SSBP2: variants seen among roughly 807,000 people sequenced by gnomAD.
SSBP2 encodes the protein single-stranded DNA-binding protein 2.
A neutral mutation model predicts 61.8 loss-of-function variants in SSBP2; 17 were observed. That is an observed-to-expected ratio of 0.28 (90% CI 0.19 to 0.41). The LOEUF is 0.41. Ranked by LOEUF, SSBP2 falls within the 10% of genes least tolerant of loss-of-function variation. The probability of loss-of-function intolerance (pLI) is 1.00; values close to 1 mark genes in which losing one functional copy is unlikely to be tolerated. For missense variants in SSBP2, 310 were observed against 458.7 expected, an observed-to-expected ratio of 0.68 and a Z score of 2.96; for synonymous variants, 139 against 141.3, an observed-to-expected ratio of 0.98 and a Z score of 0.12.
chr5:81,585,240 A>G (rs1774971054), intron 4 of SSBP2, among the ~76,000 whole-genome samples: 1 of 152,054 alleles, frequency 6.6e-6, no homozygotes, highest in Non-Finnish European at 1.5e-5. Context: ...TCTCTCTGGC[A>G]TATCCTTTGC....
intron 1 of SSBP2, among the ~76,000 whole-genome samples, chr5:81,736,143 AACACACACACACACAC>A (rs58588638): frequency 3.1e-4 from 23 of 75,338 alleles, no homozygotes; most frequent in Non-Finnish European, 7.5e-4. Flanking sequence ...ACTACCCTGA[AACACACACACACACAC>A]ACACACACAC....
intron 1 of SSBP2, among the ~76,000 whole-genome samples, chr5:81,684,435 T>A (rs1300172697): frequency 6.6e-6 from 1 of 152,018 alleles, no homozygotes; most frequent in African/African-American, 2.4e-5. Context: ...TTGCCAGGGG[T>A]TCAGAGAGAC....
At chr5:81,544,238 G>A (rs1191339229) in intron 4 of SSBP2, among the ~76,000 whole-genome samples, 1 of 152,026 alleles carries the variant, frequency 6.6e-6, no homozygotes, top group Non-Finnish European at 1.5e-5. Context: ...TAGTAGAGAC[G>A]GGGTTTCACC....
chr5:81,470,603 T>C (rs1344132315), intron 8 of SSBP2, among the ~76,000 whole-genome samples: 1 of 151,962 alleles, frequency 6.6e-6, no homozygotes, highest in Admixed American at 6.6e-5. Flanking sequence ...GTTGTTCTAA[T>C]AGATAACTAC....
intron 4 of SSBP2, among the ~76,000 whole-genome samples, chr5:81,588,856 G>C (rs1398370808): frequency 6.6e-6 from 1 of 152,186 alleles, no homozygotes; most frequent in Admixed American, 6.5e-5. Context: ...CTGAGCCCAA[G>C]AGTTGGAGAC....
chr5:81,520,344 C>G (rs1024756013), intron 4 of SSBP2, among the ~76,000 whole-genome samples: 2 of 152,030 alleles, frequency 1.3e-5, no homozygotes, highest in African/African-American at 4.8e-5. Flanking sequence ...CTGAATCTAC[C>G]CTTGGTTGCA....
chr5:81,527,640 G>T (rs1323062292), intron 4 of SSBP2, among the ~76,000 whole-genome samples: 1 of 151,800 alleles, frequency 6.6e-6, no homozygotes, highest in Non-Finnish European at 1.5e-5. Context: ...CCCCTAATTT[G>T]TTTAGTAGGT....
At chr5:81,628,425 T>C (rs1022570453) in intron 3 of SSBP2, among the ~76,000 whole-genome samples, 1 of 152,210 alleles carries the variant, frequency 6.6e-6, no homozygotes, top group African/African-American at 2.4e-5. Flanking sequence ...AGCCAAACTA[T>C]ATCAAGAGAT....
rs1581098252 is a variant in SSBP2 at position 81,587,137 on chromosome 5, T to C, written c.282+28336A>G. Among the ~76,000 whole-genome samples, 2 of 152,302 alleles carry C rather than the reference T, an allele frequency of 1.3e-5. 1 individual carries two copies. Among genetic ancestry groups the C allele is most frequent in the East Asian group, 3.9e-4 (2 of 5,184 alleles). On this transcript the variant is annotated intron_variant, in intron 4 of 16. Coordinates refer to ENST00000320672, the MANE Select transcript of SSBP2 (RefSeq NM_012446.5). Reference sequence around the variant, plus strand: ...TCACTATAATAAATCACAGTGTGTATAACTATCTTCTGAGTTCTGTGAGTC... The same window carrying C: ...TCACTATAATAAATCACAGTGTGTACAACTATCTTCTGAGTTCTGTGAGTC...
In SSBP2 at chr5:81,642,269, G is replaced by A. The variant is rs150909341; in HGVS notation, c.136-5651C>T. Among the ~76,000 whole-genome samples the A allele has an allele frequency of 1.2e-4, 18 of 152,196 alleles. No individual in the cohort carries two copies. The East Asian group carries it at 3.3e-3, about 28-fold the overall frequency. ...GCCAATAACATTTTCTCTTTATTCT[G>A]TTTCTTTTTCTTCCATTATCCCAGC... On this transcript the variant is annotated intron_variant, in intron 2 of 16. Transcript: ENST00000320672.
intron 1 of SSBP2, among the ~76,000 whole-genome samples, chr5:81,696,383 C>A (rs762787625): frequency 3.9e-5 from 6 of 152,150 alleles, no homozygotes; most frequent in Non-Finnish European, 7.3e-5. Flanking sequence ...TCTCTCTTGT[C>A]CTTGCCACTA....
chr5:81,720,911 C>T (rs1054313161), intron 1 of SSBP2, among the ~76,000 whole-genome samples: 8 of 152,124 alleles, frequency 5.3e-5, no homozygotes, highest in African/African-American at 1.7e-4. Context: ...AAAGTATACA[C>T]ACATATATAG....
At chr5:81,722,108 T>C (rs1214980687) in intron 1 of SSBP2, among the ~76,000 whole-genome samples, 1 of 152,112 alleles carries the variant, frequency 6.6e-6, no homozygotes, top group African/African-American at 2.4e-5. Flanking sequence ...ATATTATTCA[T>C]TTGAATTTTC....
rs145339602 is a variant in SSBP2, at chr5:81,748,701, G to A, written c.62+2280C>T. ...CTGCTGCCAATTGAAATGAATGGAAGAAATATATTTAAATCAAATAGCACC... is the reference window on the plus strand; with the variant it reads ...CTGCTGCCAATTGAAATGAATGGAAAAAATATATTTAAATCAAATAGCACC... On this transcript the variant is annotated intron_variant, in intron 1 of 16. Coordinates refer to ENST00000320672, the MANE Select transcript of SSBP2 (RefSeq NM_012446.5). Among the ~76,000 whole-genome samples, 7 of 152,290 alleles carry A rather than the reference G, an allele frequency of 4.6e-5. No homozygotes were observed. The East Asian group carries it at 1.3e-3, about 29-fold the overall frequency.
intron 4 of SSBP2, among the ~76,000 whole-genome samples, chr5:81,533,001 T>C (rs1770535534): frequency 6.6e-6 from 1 of 151,918 alleles, no homozygotes. Context: ...AGTGAGAATA[T>C]AAAATACTAG....
intron 1 of SSBP2, among the ~76,000 whole-genome samples, chr5:81,731,614 A>G (rs1363139854): frequency 1.3e-5 from 2 of 152,092 alleles, no homozygotes; most frequent in African/African-American, 4.8e-5. Context: ...ATTTTCTTCA[A>G]TTTCCAGGTT....
chr5:81,661,226 TGC>T (rs1750667581), intron 1 of SSBP2, among the ~76,000 whole-genome samples: 2 of 152,322 alleles, frequency 1.3e-5, no homozygotes, highest in Middle Eastern at 3.4e-3. Flanking sequence ...TATTCAATTT[TGC>T]ATATATAGTC....
At chr5:81,457,706 G>A (rs1764257718) in intron 10 of SSBP2, among the ~76,000 whole-genome samples, 1 of 151,562 alleles carries the variant, frequency 6.6e-6, no homozygotes, top group Non-Finnish European at 1.5e-5. Flanking sequence ...TTGTTGCCCA[G>A]GCTGGAGTGC....
chr5:81,615,850 G>A (rs1429321129), intron 3 of SSBP2, among the ~76,000 whole-genome samples: 1 of 152,082 alleles, frequency 6.6e-6, no homozygotes, highest in Non-Finnish European at 1.5e-5. Flanking sequence ...CACTTGATTG[G>A]AGTAGCTGTA....
Sources: gnomAD v4.1 joint callset for allele counts (sites outside exome capture counted in the v4.1 genomes callset) on GRCh38, gnomAD v4.1.1 for gene constraint, MANE v1.5 for transcripts, NCBI Gene and HGNC (gene_info 2026-07-23, HGNC 2026-07-21) for gene names.